The following ZNF608 variants were observed in gnomAD, a reference collection of about 807,000 sequenced individuals.
The protein encoded by ZNF608 is zinc finger protein 608, also known as renal carcinoma antigen NY-REN-36.
Under a neutral mutation model 109.0 loss-of-function variants are expected in ZNF608, and 12 were observed. The ratio of observed to expected loss-of-function variants is 0.11; its 90% CI spans 0.07 to 0.18. ZNF608 has a LOEUF of 0.18. ZNF608 is among the 10% of genes least tolerant of loss of function. The pLI, the probability that ZNF608 is intolerant of heterozygous loss-of-function variation, is 1.00. For missense variants in ZNF608, 1,707 were observed against 1,879.3 expected, an observed-to-expected ratio of 0.91 and a Z score of 1.70; for synonymous variants, 732 against 717.4, an observed-to-expected ratio of 1.02 and a Z score of -0.33.
intron 7 of ZNF608, among the ~76,000 whole-genome samples, chr5:124,642,126 TAG>T (rs1246312357): frequency 6.6e-6 from 1 of 152,240 alleles, no homozygotes; most frequent in Non-Finnish European, 1.5e-5. Context: ...GGTTTCTCTA[TAG>T]AGTTTCTGGT....
In ZNF608 at chr5:124,683,569, G is replaced by T. The variant is rs1156617222; in HGVS notation, c.1162+17445C>A. ...TTTCAAAATATAGAGGAAAATGCCA[G>T]TTCAAAGAGTTTAGTGAGTTGCTTC... is the stretch of plus-strand genomic sequence containing the variant. On this transcript the variant is annotated intron_variant, in intron 3 of 9. Coordinates refer to ENST00000513986, the MANE Select transcript of ZNF608 (RefSeq NM_020747.3). Among the ~76,000 whole-genome samples the T allele has an allele frequency of 2.6e-5, 4 of 152,302 alleles. No individual in the cohort carries two copies. The East Asian group carries it at 7.7e-4, about 29-fold the overall frequency.
At chr5:124,691,024 T>C (rs1752604444) in intron 3 of ZNF608, among the ~76,000 whole-genome samples, 1 of 151,990 alleles carries the variant, frequency 6.6e-6, no homozygotes, top group African/African-American at 2.4e-5. Flanking sequence ...TTATTTGTTA[T>C]TTGCTATAAT....
rs565344812 is a variant in ZNF608, at chr5:124,695,434, A to G, written c.1162+5580T>C. Reference sequence around the variant, plus strand: ...TGCAGAATGAGAATAACAATACCACAGATTCATTTTCCATTACATAGGATC... The same window carrying G: ...TGCAGAATGAGAATAACAATACCACGGATTCATTTTCCATTACATAGGATC... On this transcript the variant is annotated intron_variant, in intron 3 of 9. Transcript: ENST00000513986. Among the ~76,000 whole-genome samples the G allele has an allele frequency of 2.0e-4, 31 of 152,312 alleles. 1 individual carries two copies. Among genetic ancestry groups the G allele is most frequent in the African/African-American group, 7.5e-4 (31 of 41,566 alleles).
At position 124,648,232 on chromosome 5, in the gene ZNF608, T is replaced by G; in HGVS notation, c.2152A>C (p.Lys718Gln). 6.2e-7 allele frequency: 1 copy of G among 1,614,214 alleles called. No homozygotes were observed. The highest frequency in any genetic ancestry group is 2.2e-5 in the East Asian group (1 of 44,886). The change falls in exon 5 of 10, where the codon AAA becomes CAA. Residue 718 changes from lysine to glutamine, a missense_variant. Physicochemically the swap from Lys to Gln is moderately conservative, Grantham distance 53 (BLOSUM62 1). Around this residue, in one of 7 missense-constraint regions of ZNF608, gnomAD observed 1,073 missense variants for 1,133.5 expected, o/e 0.95. Coordinates refer to ENST00000513986, the MANE Select transcript of ZNF608 (RefSeq NM_020747.3). ...KKNLGDKEKG[K>Q]KATNCKTDKN... ...TCCGTTTTGCAGTTGGTAGCTTTTT[T>G]GCCCTTTTCTTTATCTCCTAAATTT...
chr5:124,691,509 A>G (rs1043459377), intron 3 of ZNF608, among the ~76,000 whole-genome samples: 23 of 152,262 alleles, frequency 1.5e-4, no homozygotes, highest in African/African-American at 5.5e-4. Context: ...TGAAATCAGG[A>G]TCTTGAAGAG....
chr5:124,723,141 G>C (rs940909666), intron 2 of ZNF608, among the ~76,000 whole-genome samples: 1 of 151,152 alleles, frequency 6.6e-6, no homozygotes, highest in Non-Finnish European at 1.5e-5. Context: ...AGCAATTCTC[G>C]GTTCTCAGCC....
intron 2 of ZNF608, among the ~76,000 whole-genome samples, chr5:124,713,174 T>C (rs1252114508): frequency 1.3e-5 from 2 of 152,236 alleles, no homozygotes; most frequent in Non-Finnish European, 1.5e-5. Context: ...ACTACTCTTC[T>C]ATCTTTATGT....
At chr5:124,723,462 TG>T (rs1754016905) in intron 2 of ZNF608, among the ~76,000 whole-genome samples, 2 of 152,056 alleles carry the variant, frequency 1.3e-5, no homozygotes, top group African/African-American at 4.8e-5. Context: ...CCAAGGTGGG[TG>T]GATCACCTGA....
chr5:124,719,442 T>C (rs1753823453), intron 2 of ZNF608, among the ~76,000 whole-genome samples: 1 of 152,212 alleles, frequency 6.6e-6, no homozygotes, highest in Non-Finnish European at 1.5e-5. Flanking sequence ...ACAGATTTGT[T>C]TGCATTCATA....
Position 124,649,819 on chromosome 5 carries a change from G to T in ZNF608, c.1163-122C>A, listed in dbSNP as rs562454416. ...GTTCTATTCTCATTTGCTTTTAAAA[G>T]CTGTGGTTTGCATTCTTCCTCTTTC... On this transcript the variant is annotated intron_variant, in intron 3 of 9. Coordinates refer to ENST00000513986, the MANE Select transcript of ZNF608 (RefSeq NM_020747.3). 5.0e-6 allele frequency: 3 copies of T among 597,278 alleles called. No homozygotes were observed. The Admixed American group carries it at 1.0e-4, about 21-fold the overall frequency. 37.0% of individuals were successfully genotyped at this position (597,278 alleles called of 1,614,324 possible).
chr5:124,682,057 T>C (rs1385664019), intron 3 of ZNF608, among the ~76,000 whole-genome samples: 1 of 152,144 alleles, frequency 6.6e-6, no homozygotes, highest in Non-Finnish European at 1.5e-5. Flanking sequence ...AATGTTGACT[T>C]CCCATGAATG....
chr5:124,646,035 C>T (rs889701533), intron 5 of ZNF608, among the ~76,000 whole-genome samples: 9 of 152,060 alleles, frequency 5.9e-5, no homozygotes, highest in African/African-American at 2.2e-4. Flanking sequence ...TTCAGCAGCC[C>T]CATTGTGGAA....
At chr5:124,732,307 C>T (rs552867600) in intron 2 of ZNF608, among the ~76,000 whole-genome samples, 198 of 152,136 alleles carry the variant, frequency 1.3e-3, no homozygotes, top group African/African-American at 4.6e-3. Context: ...AAAAGAGAGA[C>T]AGTTTATACA....
chr5:124,672,718 C>T (rs955799163), intron 3 of ZNF608, among the ~76,000 whole-genome samples: 2 of 152,110 alleles, frequency 1.3e-5, no homozygotes, highest in Non-Finnish European at 2.9e-5. Flanking sequence ...CAGAGCTAAA[C>T]CAGGGGAAAA....
chr5:124,657,080 G>A (rs1751043873), intron 3 of ZNF608, among the ~76,000 whole-genome samples: 1 of 152,142 alleles, frequency 6.6e-6, no homozygotes, highest in Non-Finnish European at 1.5e-5. Flanking sequence ...TGACTGGTCA[G>A]CTAAAAGAAG....
intron 7 of ZNF608, among the ~76,000 whole-genome samples, chr5:124,642,676 C>G (rs1055170859): frequency 6.6e-6 from 1 of 150,444 alleles, no homozygotes; most frequent in Non-Finnish European, 1.5e-5. Flanking sequence ...TCATTTTGAA[C>G]CAGATTTTCT....
intron 2 of ZNF608, among the ~76,000 whole-genome samples, chr5:124,733,565 G>A (rs1363679553): frequency 1.3e-5 from 2 of 152,120 alleles, no homozygotes; most frequent in Admixed American, 6.6e-5. Flanking sequence ...AAAAGCCGGG[G>A]CAGACTGACC....
intron 2 of ZNF608, among the ~76,000 whole-genome samples, chr5:124,720,656 TCAA>T (rs1322853280): frequency 6.6e-6 from 1 of 152,204 alleles, no homozygotes; most frequent in African/African-American, 2.4e-5. Context: ...ACTGTTCTTT[TCAA>T]CAACAATTAT....
chr5:124,668,924 T>C (rs542190372), intron 3 of ZNF608, among the ~76,000 whole-genome samples: 3 of 152,272 alleles, frequency 2.0e-5, no homozygotes, highest in Admixed American at 2.0e-4. Context: ...ATTCAACCAA[T>C]TCATTTAATC....
Sources: allele counts gnomAD v4.1 joint callset (sites outside exome capture counted in the v4.1 genomes callset), GRCh38; gene constraint gnomAD v4.1.1; regional missense constraint gnomAD v4.1.1; transcripts MANE v1.5; gene names NCBI Gene and HGNC (gene_info 2026-07-23, HGNC 2026-07-21).